PTPRD: variants seen among roughly 807,000 people sequenced by gnomAD.
The protein encoded by PTPRD is protein tyrosine phosphatase receptor type D, also known as receptor-type tyrosine-protein phosphatase delta.
Under a neutral mutation model 214.5 loss-of-function variants are expected in PTPRD, and 34 were observed. That is an observed-to-expected ratio of 0.16 (90% CI 0.12 to 0.21). The LOEUF is 0.21. Ranked by LOEUF, PTPRD falls within the 10% of genes least tolerant of loss-of-function variation. The pLI, the probability that PTPRD is intolerant of heterozygous loss-of-function variation, is 1.00. For synonymous variants in PTPRD, 1,128 were observed against 845.7 expected, an observed-to-expected ratio of 1.33 and a Z score of -5.79; for missense variants, 2,545 against 2,398.7, an observed-to-expected ratio of 1.06 and a Z score of -1.27.
chr9:10,166,307 G>A (rs1166961827), intron 3 of PTPRD, among the ~76,000 whole-genome samples: 1 of 148,530 alleles, frequency 6.7e-6, no homozygotes, highest in Non-Finnish European at 1.5e-5. Context: ...GCCTGCATCT[G>A]TCTAACATCC....
At chr9:10,061,549 A>G (rs541665799) in intron 3 of PTPRD, among the ~76,000 whole-genome samples, 7 of 152,174 alleles carry the variant, frequency 4.6e-5, no homozygotes, top group East Asian at 1.9e-4. Context: ...AATTAACTAC[A>G]TAATTAGTCT....
intron 7 of PTPRD, among the ~76,000 whole-genome samples, chr9:9,679,230 CTCTT>C (rs1251529762): frequency 6.6e-6 from 1 of 151,522 alleles, no homozygotes; most frequent in East Asian, 1.9e-4. Flanking sequence ...CTCTCTCTCT[CTCTT>C]TCTCTCTCCC....
intron 10 of PTPRD, among the ~76,000 whole-genome samples, chr9:9,154,759 G>A (rs7859130): frequency 0.31 from 47,306 of 151,750 alleles, 7,588 homozygotes; most frequent in Middle Eastern, 0.37. Context: ...AAAGAAGAGT[G>A]TAATCTGGTG....
intron 33 of PTPRD, among the ~76,000 whole-genome samples, chr9:8,452,604 T>C (rs1485711260): frequency 2.0e-5 from 3 of 152,196 alleles, no homozygotes; most frequent in Non-Finnish European, 2.9e-5. Flanking sequence ...ATTTTTTTTC[T>C]ATTAAGATTA....
At chr9:9,286,659 C>CT (rs962291637) in intron 9 of PTPRD, among the ~76,000 whole-genome samples, 1 of 150,858 alleles carries the variant, frequency 6.6e-6, no homozygotes, top group Non-Finnish European at 1.5e-5. Context: ...TAGTTCTTCC[C>CT]TTTTTTGCAA....
chr9:8,980,867 A>G (rs2099309131), intron 11 of PTPRD, among the ~76,000 whole-genome samples: 1 of 152,124 alleles, frequency 6.6e-6, no homozygotes, highest in African/African-American at 2.4e-5. Flanking sequence ...ACAGGAAATA[A>G]AAGAGACCAT....
intron 11 of PTPRD, among the ~76,000 whole-genome samples, chr9:8,959,607 G>A (rs551755141): frequency 6.6e-6 from 1 of 152,054 alleles, no homozygotes; most frequent in East Asian, 1.9e-4. Context: ...AGATTAACAT[G>A]ATTTTAACCA....
intron 2 of PTPRD, among the ~76,000 whole-genome samples, chr9:10,348,710 C>T (rs7852233): frequency 0.013 from 1,953 of 152,100 alleles, 28 homozygotes; most frequent in African/African-American, 0.03. Context: ...GTGAGTAAAA[C>T]GCTATTACGG....
chr9:9,618,977 C>G (rs954490425), intron 7 of PTPRD, among the ~76,000 whole-genome samples: 10 of 151,844 alleles, frequency 6.6e-5, no homozygotes, highest in African/African-American at 2.2e-4. Flanking sequence ...GAGTAGAGTC[C>G]TGGAAGCAAA....
chr9:9,919,788 C>A (rs1458163580), intron 5 of PTPRD, among the ~76,000 whole-genome samples: 1 of 152,116 alleles, frequency 6.6e-6, no homozygotes, highest in African/African-American at 2.4e-5. Context: ...CCTGAGTGAG[C>A]CTCAGTCTTC....
intron 9 of PTPRD, among the ~76,000 whole-genome samples, chr9:9,209,717 T>C (rs1217246404): frequency 6.6e-6 from 1 of 152,222 alleles, no homozygotes; most frequent in Non-Finnish European, 1.5e-5. Flanking sequence ...GAATTCATTA[T>C]ACTATTCTGT....
chr9:8,464,434 T>C (rs1483684518), intron 32 of PTPRD, among the ~76,000 whole-genome samples: 1 of 152,084 alleles, frequency 6.6e-6, no homozygotes, highest in East Asian at 1.9e-4. Flanking sequence ...AGCACAAAGG[T>C]AAACCAGGCA....
intron 9 of PTPRD, among the ~76,000 whole-genome samples, chr9:9,269,911 G>A (rs958728319): frequency 7.3e-5 from 11 of 150,998 alleles, no homozygotes; most frequent in Non-Finnish European, 1.3e-4. Flanking sequence ...GTTAGAAGGC[G>A]AATAGGCTCG....
intron 2 of PTPRD, among the ~76,000 whole-genome samples, chr9:10,557,661 G>T (rs1028056449): frequency 6.6e-6 from 1 of 152,114 alleles, no homozygotes; most frequent in East Asian, 1.9e-4. Flanking sequence ...AATCTGATGG[G>T]CTCAGCTTAG....
chr9:10,171,510 T>G (rs750981965), intron 3 of PTPRD, among the ~76,000 whole-genome samples: 1 of 152,036 alleles, frequency 6.6e-6, no homozygotes, highest in Non-Finnish European at 1.5e-5. Flanking sequence ...TTACTCAGTC[T>G]CTGGTATATC....
intron 10 of PTPRD, among the ~76,000 whole-genome samples, chr9:9,180,368 A>G (rs1204913915): frequency 6.8e-6 from 1 of 147,744 alleles, no homozygotes; most frequent in Non-Finnish European, 1.5e-5. Flanking sequence ...AATACCGCAT[A>G]TTCTCACTCG....
chr9:10,138,205 C>T (rs1354027137), intron 3 of PTPRD, among the ~76,000 whole-genome samples: 7 of 151,954 alleles, frequency 4.6e-5, no homozygotes, highest in African/African-American at 1.7e-4. Flanking sequence ...ACAAAGATGA[C>T]ATTACAACCT....
At chr9:9,877,053 C>T (rs914848950) in intron 5 of PTPRD, among the ~76,000 whole-genome samples, 5 of 152,044 alleles carry the variant, frequency 3.3e-5, no homozygotes, top group Non-Finnish European at 7.4e-5. Flanking sequence ...CTTTTTGATG[C>T]CTGAATGCTA....
At chr9:10,570,530 T>G (rs1297921819) in intron 2 of PTPRD, among the ~76,000 whole-genome samples, 1 of 152,074 alleles carries the variant, frequency 6.6e-6, no homozygotes, top group East Asian at 1.9e-4. Flanking sequence ...ATTGGAATTC[T>G]GAAGAACTTA....
Sources: gnomAD v4.1 joint callset for allele counts (sites outside exome capture counted in the v4.1 genomes callset) on GRCh38, gnomAD v4.1.1 for gene constraint, MANE v1.5 for transcripts, NCBI Gene and HGNC (gene_info 2026-07-23, HGNC 2026-07-21) for gene names.